Variants in FBN1 observed in about 807,000 individuals in gnomAD.
FBN1 encodes fibrillin-1.
FBN1 carries 29 observed loss-of-function variants against 365.1 expected under a neutral mutation model. That is an observed-to-expected ratio of 0.08 (90% CI 0.06 to 0.11). The LOEUF (loss-of-function observed/expected upper bound fraction) is 0.11, where lower values mean the gene tolerates loss of function less well. FBN1 is among the 10% of genes least tolerant of loss of function. The pLI, the probability that FBN1 is intolerant of heterozygous loss-of-function variation, is 1.00. For synonymous variants in FBN1, 1,210 were observed against 1,270.5 expected (o/e 0.95, Z 1.01); for missense variants, 2,476 against 3,703.2 (o/e 0.67, Z 8.60).
At chr15:48,603,513 A>G (rs765495856) in intron 4 of FBN1, among the ~76,000 whole-genome samples, 12 of 152,234 alleles carry the variant, frequency 7.9e-5, no homozygotes, top group Non-Finnish European at 1.5e-4. Context: ...TTTACAGAGA[A>G]TATATACCGA....
intron 47 of FBN1, among the ~76,000 whole-genome samples, chr15:48,445,972 A>T (rs1322970015): frequency 6.6e-6 from 1 of 152,108 alleles, no homozygotes; most frequent in Non-Finnish European, 1.5e-5. Context: ...AGATTCAATG[A>T]TTTATTTAAG....
chr15:48,561,714 T>C (rs893737178), intron 6 of FBN1, among the ~76,000 whole-genome samples: 5 of 152,208 alleles, frequency 3.3e-5, no homozygotes, highest in Non-Finnish European at 7.4e-5. Context: ...ATGGAAAAAG[T>C]ATCTCTAAAT....
At chr15:48,640,747 C>T (rs541544574) in intron 2 of FBN1, among the ~76,000 whole-genome samples, 55 of 152,336 alleles carry the variant, frequency 3.6e-4, no homozygotes, top group Non-Finnish European at 6.3e-4. Flanking sequence ...CTCAATCCAT[C>T]TTCTCCAAGG....
chr15:48,493,657 A>G (rs1215697789), intron 23 of FBN1, among the ~76,000 whole-genome samples: 2 of 152,214 alleles, frequency 1.3e-5, no homozygotes, highest in Non-Finnish European at 2.9e-5. Flanking sequence ...ATTTCATCCC[A>G]CATATGGGAC....
chr15:48,536,628 A>G (rs1481559994), intron 7 of FBN1, among the ~76,000 whole-genome samples: 3 of 152,228 alleles, frequency 2.0e-5, no homozygotes, highest in African/African-American at 7.2e-5. Context: ...CCTGACATTC[A>G]GAGGGATACA....
intron 54 of FBN1, 90 bp downstream of exon 54, chr15:48,434,504 T>C (rs1002503885): frequency 2.7e-6 from 4 of 1,500,264 alleles, no homozygotes; most frequent in African/African-American, 1.4e-5. Flanking sequence ...ATATACACCC[T>C]GAGTTGTATT....
chr15:48,432,947 G>A lies in FBN1; in HGVS notation c.6658C>T (p.Arg2220Ter), dbSNP rs113001196. ...CAQNPLLCAF[R>*]CVNTYGSYEC... Reference sequence around the variant, plus strand: ...TATGACCCATAAGTGTTCACACATCGGAAGGCACAGAGCAGAGGATTCTGG... The same window carrying A: ...TATGACCCATAAGTGTTCACACATCAGAAGGCACAGAGCAGAGGATTCTGG... Residue 2220 changes from arginine (R) to a stop codon, truncating the protein, a stop_gained, in exon 55 of 66, where the codon CGA becomes TGA. Coordinates refer to ENST00000316623, the MANE Select transcript of FBN1 (RefSeq NM_000138.5). LOFTEE classifies it high-confidence loss of function. The A allele has an allele frequency of 6.2e-7, 1 of 1,613,496 alleles. No homozygotes were observed. Among genetic ancestry groups the A allele is most frequent in the Non-Finnish European group, 8.5e-7 (1 of 1,179,596 alleles).
chr15:48,421,969 T>C lies in FBN1; in HGVS notation c.7553A>G (p.His2518Arg), dbSNP rs2042946260. 1.2e-6 allele frequency: 2 copies of C among 1,613,190 alleles called. No individual in the cohort carries two copies. The highest frequency in any genetic ancestry group is 1.7e-6 in the Non-Finnish European group (2 of 1,179,184). The change falls in exon 61 of 66, where the codon CAC (histidine) becomes CGC (arginine). Residue 2518 changes from histidine to arginine, a missense_variant. Coordinates refer to ENST00000316623, the MANE Select transcript of FBN1 (RefSeq NM_000138.5). The stretch of plus-strand genomic sequence containing the variant: ...CTACTCACCAATGCAGGACGTATGG[T>C]GTTGGGTAAATCCGGGAGGACATTT... Reference protein sequence around the residue: ...TCKCPPGFTQHHTSCIDNNEC... With the variant: ...TCKCPPGFTQRHTSCIDNNEC...
intron 54 of FBN1, 76 bp downstream of exon 54, chr15:48,434,518 T>C (rs2043048986): frequency 1.3e-6 from 2 of 1,572,176 alleles, no homozygotes; most frequent in Non-Finnish European, 1.8e-6. Context: ...TTGTATTTAA[T>C]ATTAAGACTT....
rs1407919054 is a variant in FBN1 at position 48,487,454 on chromosome 15, A to G, written c.3338-17T>C. ...CATCAATATCTGCAAAATGGAAATG[A>G]CCATGTTAAAGGTGGGGGCCTCATC... On this transcript the variant is annotated splice_polypyrimidine_tract_variant and intron_variant, in intron 27 of 65. Coordinates refer to ENST00000316623, the MANE Select transcript of FBN1 (RefSeq NM_000138.5). The G allele has an allele frequency of 6.2e-7, 1 of 1,613,172 alleles. No individual in the cohort carries two copies. Among genetic ancestry groups the G allele is most frequent in the Non-Finnish European group, 8.5e-7 (1 of 1,179,826 alleles).
intron 15 of FBN1, among the ~76,000 whole-genome samples, chr15:48,505,714 A>G (rs767525386): frequency 1.7e-4 from 26 of 152,252 alleles, no homozygotes; most frequent in Non-Finnish European, 3.4e-4. Context: ...TTCTTGGCCA[A>G]TAACAGCACT....
intron 4 of FBN1, among the ~76,000 whole-genome samples, chr15:48,604,178 C>T (rs951508209): frequency 1.3e-5 from 2 of 148,258 alleles, no homozygotes; most frequent in African/African-American, 5.3e-5. Context: ...GATCTCAATA[C>T]CTCAGGTAAT....
At chr15:48,624,664 A>G (rs1472106088) in intron 2 of FBN1, among the ~76,000 whole-genome samples, 2 of 152,264 alleles carry the variant, frequency 1.3e-5, no homozygotes, top group Non-Finnish European at 2.9e-5. Context: ...AGCACTCTGA[A>G]ACCCCTGGAC....
intron 10 of FBN1, among the ~76,000 whole-genome samples, chr15:48,517,800 T>C (rs1287585163): frequency 1.3e-5 from 2 of 152,224 alleles, no homozygotes; most frequent in South Asian, 2.1e-4. Context: ...GATTTTCTCA[T>C]GGATACCTTC....
chr15:48,620,595 T>A (rs182904106), intron 2 of FBN1, among the ~76,000 whole-genome samples: 2 of 152,258 alleles, frequency 1.3e-5, no homozygotes, highest in East Asian at 3.9e-4. Flanking sequence ...GTTATTACAA[T>A]CTTCATTTTT....
intron 2 of FBN1, among the ~76,000 whole-genome samples, chr15:48,640,717 C>T (rs1890183129): frequency 1.3e-5 from 2 of 152,148 alleles, no homozygotes; most frequent in Admixed American, 1.3e-4. Context: ...ACCTATAAAC[C>T]ACACAACAAG....
chr15:48,456,064 A>T (rs1470256326), intron 44 of FBN1, among the ~76,000 whole-genome samples: 1 of 152,220 alleles, frequency 6.6e-6, no homozygotes, highest in Non-Finnish European at 1.5e-5. Context: ...AAAAATATGA[A>T]GTGCTATAAG....
At chr15:48,532,506 A>ATGTGTGTGTGTG (rs528870539) in intron 8 of FBN1, among the ~76,000 whole-genome samples, 5,265 of 149,632 alleles carry the variant, frequency 0.035, 242 homozygotes, top group African/African-American at 0.11. Flanking sequence ...ATATATGTGT[A>ATGTGTGTGTGTG]TGTGTGTGTG....
In FBN1 at chr15:48,409,219, C is replaced by T. The variant is rs568791870; in HGVS notation, c.*1771G>A. 2.6e-5 allele frequency: 4 copies of T among 152,260 alleles called. No individual in the cohort carries two copies. The East Asian group carries it at 7.7e-4, about 29-fold the overall frequency. 9.4% of individuals were successfully genotyped at this position (152,260 alleles called of 1,614,324 possible). On this transcript the variant is annotated 3_prime_UTR_variant, in exon 66 of 66. Coordinates refer to ENST00000316623, the MANE Select transcript of FBN1 (RefSeq NM_000138.5). The stretch of plus-strand genomic sequence containing the variant: ...TTCTATCTTGTGACAGGGAGCTCAC[C>T]ACAATGCAAGGAAACCCATTCTTTC...
Sources: gnomAD v4.1 joint callset for allele counts (sites outside exome capture counted in the v4.1 genomes callset) on GRCh38, gnomAD v4.1.1 for gene constraint, MANE v1.5 for transcripts, NCBI Gene and HGNC (gene_info 2026-07-23, HGNC 2026-07-21) for gene names.